Variants in PCDHGA5 observed in about 807,000 individuals in gnomAD.
PCDHGA5 encodes the protein protocadherin gamma subfamily A, 5.
A neutral mutation model predicts 56.7 loss-of-function variants in PCDHGA5; 36 were observed. The ratio of observed to expected loss-of-function variants is 0.64; its 90% confidence interval spans 0.49 to 0.84. The LOEUF (loss-of-function observed/expected upper bound fraction) is 0.84, where lower values mean the gene tolerates loss of function less well. Among genes scored for constraint, PCDHGA5 ranks in the 40% least tolerant of loss-of-function variants. The pLI is 0.00. For missense variants in PCDHGA5, 1,305 were observed against 1,201.5 expected (o/e 1.09, Z -1.27); for synonymous variants, 563 against 520.2 (o/e 1.08, Z -1.12).
Position 141,414,630 on chromosome 5 carries a change from C to A in PCDHGA5, c.2421+47879C>A. On this transcript the variant is annotated intron_variant, in intron 1 of 3. Coordinates refer to ENST00000518069, the MANE Select transcript of PCDHGA5 (RefSeq NM_018918.3). ...CAGTGACAGCGCTGGACCCGGACAG[C>A]AAAGAGAATGCCCAGATTATTTACT... 2 of 1,613,980 alleles carry A rather than the reference C, an allele frequency of 1.2e-6. No individual in the cohort carries two copies. Among genetic ancestry groups the A allele is most frequent in the Non-Finnish European group, 1.7e-6 (2 of 1,179,892 alleles).
intron 1 of PCDHGA5, chr5:141,378,129 A>G (rs974715464): frequency 1.3e-5 from 2 of 152,224 alleles, no homozygotes; most frequent in African/African-American, 4.8e-5. Context: ...GTATTTGTTG[A>G]CATCACCATT....
chr5:141,487,323 G>A lies in PCDHGA5; in HGVS notation c.2422-7484G>A, dbSNP rs374901235. Reference sequence around the variant, plus strand: ...GTGGCACTACTCTCTAAGTGTCTTCGTGGGGCAGCCTGTGGAGTCACATGC... The same window carrying A: ...GTGGCACTACTCTCTAAGTGTCTTCATGGGGCAGCCTGTGGAGTCACATGC... On this transcript the variant is annotated intron_variant, in intron 1 of 3. Coordinates refer to ENST00000518069, the MANE Select transcript of PCDHGA5 (RefSeq NM_018918.3). The surrounding 1 kb of genome is among the most constrained non-coding windows in gnomAD (Gnocchi z 5.0). 4.0e-5 allele frequency: 65 copies of A among 1,613,982 alleles called. No homozygotes were observed. Among genetic ancestry groups the A allele is most frequent in the Non-Finnish European group, 4.7e-5 (56 of 1,180,012 alleles).
chr5:141,492,285 A>T (rs2099739112), intron 1 of PCDHGA5, among the ~76,000 whole-genome samples: 1 of 152,132 alleles, frequency 6.6e-6, no homozygotes, highest in African/African-American at 2.4e-5. Flanking sequence ...CGCCCCGCCA[A>T]CACGTGCGCG....
chr5:141,372,787 C>A (rs370329594), intron 1 of PCDHGA5: 229 of 1,603,212 alleles, frequency 1.4e-4, no homozygotes, highest in Non-Finnish European at 1.9e-4. Flanking sequence ...GAAATGCCTT[C>A]TAATTCAGGC....
intron 1 of PCDHGA5, chr5:141,410,140 G>C: frequency 6.2e-7 from 1 of 1,612,782 alleles, no homozygotes; most frequent in Non-Finnish European, 8.5e-7. Context: ...TGGTCGCTGT[G>C]CGTGACGGTG....
intron 1 of PCDHGA5, chr5:141,403,954 C>A: frequency 6.2e-7 from 1 of 1,613,800 alleles, no homozygotes; most frequent in Non-Finnish European, 8.5e-7. Flanking sequence ...CAAAAGTGCT[C>A]ATTTCGGTGG....
At position 141,487,051 on chromosome 5, in the gene PCDHGA5, G is replaced by A. The variant is rs1348441475; in HGVS notation, c.2422-7756G>A. The A allele has an allele frequency of 3.7e-6, 6 of 1,614,024 alleles. No individual in the cohort carries two copies. The highest frequency in any genetic ancestry group is 5.1e-6 in the Non-Finnish European group (6 of 1,180,024). On this transcript the variant is annotated intron_variant, in intron 1 of 3. Coordinates refer to ENST00000518069, the MANE Select transcript of PCDHGA5 (RefSeq NM_018918.3). This position sits in a 1 kb window ranked among gnomAD's most constrained non-coding sequence, Gnocchi z 5.0. ...TGTTTGCAGTCTCTCGATATGCTGG[G>A]GAGGTGCGGACGGCTGTTCCTATCC... is the stretch of plus-strand genomic sequence containing the variant.
chr5:141,419,145 A>T, intron 1 of PCDHGA5: 1 of 1,613,940 alleles, frequency 6.2e-7, no homozygotes, highest in Non-Finnish European at 8.5e-7. Flanking sequence ...GACAGGGGCA[A>T]GCCTCCGTTA....
chr5:141,467,775 C>T (rs1464827506), intron 1 of PCDHGA5, among the ~76,000 whole-genome samples: 1 of 151,960 alleles, frequency 6.6e-6, no homozygotes, highest in Non-Finnish European at 1.5e-5. Context: ...GCCCGCACCT[C>T]AGCCTCTCAA....
In PCDHGA5 at chr5:141,431,354, G is replaced by T. The variant is rs777198567; in HGVS notation, c.2422-63453G>T. The T allele has an allele frequency of 1.9e-6, 3 of 1,614,036 alleles. No individual in the cohort carries two copies. In the South Asian group the frequency reaches 3.3e-5, roughly 18 times the overall value. ...GTACCCCGAATTGGTGCTGAAACGC[G>T]CCCTGGACCGCGAAGAAAAGGCTGC... On this transcript the variant is annotated intron_variant, in intron 1 of 3. Coordinates refer to ENST00000518069, the MANE Select transcript of PCDHGA5 (RefSeq NM_018918.3). This position sits in a 1 kb window ranked among gnomAD's most constrained non-coding sequence, Gnocchi z 4.8.
At chr5:141,388,513 TGA>T in intron 1 of PCDHGA5, 2 of 1,613,840 alleles carry the variant, frequency 1.2e-6, no homozygotes, top group African/African-American at 2.7e-5. Flanking sequence ...TCCTACCACT[TGA>T]CTTTGACTGC....
At chr5:141,383,225 T>G in intron 1 of PCDHGA5, 2 of 1,613,970 alleles carry the variant, frequency 1.2e-6, no homozygotes, top group Non-Finnish European at 1.7e-6. Context: ...TTTAACATCC[T>G]GATGGAAGAT....
chr5:141,375,579 C>T (rs754106042), intron 1 of PCDHGA5: 6 of 1,613,996 alleles, frequency 3.7e-6, no homozygotes, highest in African/African-American at 2.7e-5. Context: ...CTCCAGGGGG[C>T]GCCCCTGTCC....
chr5:141,398,578 A>C (rs370163028), intron 1 of PCDHGA5: 29 of 1,613,942 alleles, frequency 1.8e-5, no homozygotes, highest in Admixed American at 3.3e-5. Context: ...GCCTGGCACA[A>C]GATTTATACT....
intron 1 of PCDHGA5, chr5:141,415,469 C>T (rs1247738517): frequency 1.9e-6 from 3 of 1,614,208 alleles, no homozygotes; most frequent in South Asian, 2.2e-5. Flanking sequence ...TCTCTCACCG[C>T]GGACTCGCGA....
At position 141,369,841 on chromosome 5, in the gene PCDHGA5, A is replaced by G. The variant is rs139634339; in HGVS notation, c.2421+3090A>G. 6.6e-4 allele frequency among the ~76,000 whole-genome samples: 101 copies of G among 152,282 alleles called. No homozygotes were observed. The East Asian group carries it at 0.014, about 20-fold the overall frequency. ...CTTCCATTTGTATGATTTTCTATGT[A>G]TTATTTTATTTGGCCCTCATTTCTA... On this transcript the variant is annotated intron_variant, in intron 1 of 3. Coordinates refer to ENST00000518069, the MANE Select transcript of PCDHGA5 (RefSeq NM_018918.3).
At chr5:141,404,782 G>A in intron 1 of PCDHGA5, 1 of 1,613,964 alleles carries the variant, frequency 6.2e-7, no homozygotes. Context: ...GCCTATTCAA[G>A]GCCAGTGAGC....
chr5:141,383,634 T>G (rs1364470063), intron 1 of PCDHGA5: 1 of 1,613,914 alleles, frequency 6.2e-7, no homozygotes, highest in African/African-American at 1.3e-5. Context: ...TCTCTCTGCC[T>G]CAGTACCAAG....
chr5:141,502,084 G>A (rs1438350526), intron 2 of PCDHGA5, among the ~76,000 whole-genome samples: 1 of 152,154 alleles, frequency 6.6e-6, no homozygotes, highest in African/African-American at 2.4e-5. Context: ...CTGGGGCTGA[G>A]AACACCTGGC....
Sources: gnomAD v4.1 joint callset for allele counts (sites outside exome capture counted in the v4.1 genomes callset) on GRCh38, gnomAD v4.1.1 for gene constraint, Gnocchi (gnomAD v3.1) non-coding constraint, MANE v1.5 for transcripts, NCBI Gene and HGNC (gene_info 2026-07-23, HGNC 2026-07-21) for gene names.